EPHA7: variants seen among roughly 807,000 people sequenced by gnomAD.
The protein encoded by EPHA7 is ephrin type-A receptor 7.
In EPHA7, 25 loss-of-function variants were observed where a neutral mutation model predicts 112.6. The observed-to-expected ratio is 0.22, with a 90% CI of 0.16 to 0.31. EPHA7 has a LOEUF of 0.31. Ranked by LOEUF, EPHA7 falls within the 10% of genes least tolerant of loss-of-function variation. The pLI is 1.00. For missense variants in EPHA7, 962 were observed against 1,212.6 expected (o/e 0.79, Z 3.07); for synonymous variants, 437 against 406.5 (o/e 1.07, Z -0.90).
At chr6:93,324,333 T>C (rs533050632) in intron 5 of EPHA7, among the ~76,000 whole-genome samples, 3 of 151,478 alleles carry the variant, frequency 2.0e-5, no homozygotes, top group South Asian at 4.1e-4. Context: ...AAATCTCAGG[T>C]AATTTAAAAA....
chr6:93,328,552 A>G (rs964923192), intron 5 of EPHA7, among the ~76,000 whole-genome samples: 3 of 151,502 alleles, frequency 2.0e-5, no homozygotes, highest in African/African-American at 4.8e-5. Context: ...AAAGTGCATC[A>G]TAAGTCATAC....
At chr6:93,298,239 A>C (rs1772776440) in intron 5 of EPHA7, among the ~76,000 whole-genome samples, 2 of 152,180 alleles carry the variant, frequency 1.3e-5, no homozygotes, top group South Asian at 4.1e-4. Flanking sequence ...TGAATAGATT[A>C]GTGGGAGCCG....
chr6:93,407,242 T>C (rs1329240398), intron 3 of EPHA7, among the ~76,000 whole-genome samples: 1 of 152,020 alleles, frequency 6.6e-6, no homozygotes, highest in African/African-American at 2.4e-5. Flanking sequence ...CCAGATAAAC[T>C]TGCCTTTAAG....
intron 3 of EPHA7, among the ~76,000 whole-genome samples, chr6:93,405,302 T>G (rs747029442): frequency 4.7e-4 from 71 of 151,914 alleles, no homozygotes; most frequent in African/African-American, 1.6e-3. Context: ...TGATACACCT[T>G]AACTTTGGAC....
chr6:93,394,680 G>A (rs2127983941), intron 3 of EPHA7, among the ~76,000 whole-genome samples: 2 of 151,736 alleles, frequency 1.3e-5, no homozygotes, highest in East Asian at 3.9e-4. Context: ...AGACTGATGA[G>A]GTGAACAAAA....
intron 14 of EPHA7, among the ~76,000 whole-genome samples, chr6:93,250,695 G>C (rs1212169809): frequency 6.6e-6 from 1 of 152,050 alleles, no homozygotes; most frequent in Non-Finnish European, 1.5e-5. Context: ...ACTTCTTAGA[G>C]GATTATGTAA....
At chr6:93,252,312 G>T (rs1253601342) in intron 14 of EPHA7, among the ~76,000 whole-genome samples, 1 of 151,898 alleles carries the variant, frequency 6.6e-6, no homozygotes, top group Non-Finnish European at 1.5e-5. Context: ...TAAAATCCCT[G>T]ACAAATTCCT....
chr6:93,269,608 G>C lies in EPHA7; in HGVS notation c.1502C>G (p.Ser501Cys). 6.3e-7 allele frequency: 1 copy of C among 1,599,244 alleles called. No homozygotes were observed. The highest frequency in any genetic ancestry group is 8.5e-7 in the Non-Finnish European group (1 of 1,173,052). ...TGTTCCTGGTTTCAGATTATTAATG[G>C]AGGCTGAAGTAGACTTGGTTTTTAC... ...STVKTKSTSA[S>C]INNLKPGTVY... is the part of the protein sequence containing the mutation. The change falls in exon 7 of 17, where the codon TCC becomes TGC. Residue 501 changes from serine (S) to cysteine (C), a missense_variant. By Grantham distance (112) the Ser-to-Cys change is moderately radical. Around this residue, in one of 3 missense-constraint regions of EPHA7, gnomAD observed 746 missense variants for 889.2 expected, o/e 0.84. Transcript: ENST00000369303.
At chr6:93,396,641 T>C (rs1778187327) in intron 3 of EPHA7, among the ~76,000 whole-genome samples, 2 of 151,882 alleles carry the variant, frequency 1.3e-5, no homozygotes, top group Admixed American at 1.3e-4. Context: ...TAGATTTACA[T>C]GTAACACATT....
At chr6:93,324,745 C>T (rs898397059) in intron 5 of EPHA7, among the ~76,000 whole-genome samples, 1 of 151,386 alleles carries the variant, frequency 6.6e-6, no homozygotes, top group African/African-American at 2.4e-5. Flanking sequence ...CAGAGAAAGA[C>T]AAATATTCAC....
At chr6:93,326,948 A>G (rs1379193201) in intron 5 of EPHA7, among the ~76,000 whole-genome samples, 2 of 151,594 alleles carry the variant, frequency 1.3e-5, no homozygotes, top group Admixed American at 1.3e-4. Flanking sequence ...TTCAACTGGT[A>G]TCCATCTTAC....
intron 14 of EPHA7, among the ~76,000 whole-genome samples, chr6:93,251,512 ATT>A (rs1412374884): frequency 1.4e-4 from 12 of 84,336 alleles, no homozygotes; most frequent in Non-Finnish European, 3.6e-4. Flanking sequence ...TATGTTAACT[ATT>A]AGGATACTAA....
At chr6:93,334,435 TCAAGAGAGTAAA>T in intron 5 of EPHA7, among the ~76,000 whole-genome samples, 1 of 151,936 alleles carries the variant, frequency 6.6e-6, no homozygotes, top group East Asian at 1.9e-4. Flanking sequence ...AAAGAAACTA[TCAAGAGAGTAAA>T]CAGACAACCT....
At chr6:93,255,263 G>A (rs1388565223) in intron 13 of EPHA7, among the ~76,000 whole-genome samples, 4 of 152,052 alleles carry the variant, frequency 2.6e-5, no homozygotes, top group African/African-American at 9.7e-5. Flanking sequence ...CAGGAGCATT[G>A]CTTGAACCCG....
chr6:93,270,468 AT>A (rs1006031568), intron 6 of EPHA7, among the ~76,000 whole-genome samples: 1 of 151,544 alleles, frequency 6.6e-6, no homozygotes, highest in Non-Finnish European at 1.5e-5. Flanking sequence ...CAATATTTAA[AT>A]AAATAAAAAT....
intron 5 of EPHA7, among the ~76,000 whole-genome samples, chr6:93,273,160 C>A (rs1771310451): frequency 6.6e-6 from 1 of 151,856 alleles, no homozygotes; most frequent in African/African-American, 2.4e-5. Flanking sequence ...GCTTAGAGTT[C>A]TTTCATTCTA....
chr6:93,252,274 CTG>C (rs1770251096), intron 14 of EPHA7, among the ~76,000 whole-genome samples: 1 of 151,932 alleles, frequency 6.6e-6, no homozygotes, highest in African/African-American at 2.4e-5. Flanking sequence ...CTTTTAAAAT[CTG>C]AGGCATTTAA....
At chr6:93,388,266 T>A (rs1194553146) in intron 3 of EPHA7, among the ~76,000 whole-genome samples, 1 of 152,184 alleles carries the variant, frequency 6.6e-6, no homozygotes, top group Non-Finnish European at 1.5e-5. Flanking sequence ...AGGATATTCA[T>A]AATAGTCTTA....
At chr6:93,274,067 A>G (rs1771356420) in intron 5 of EPHA7, among the ~76,000 whole-genome samples, 1 of 152,016 alleles carries the variant, frequency 6.6e-6, no homozygotes, top group African/African-American at 2.4e-5. Flanking sequence ...TGAGTTACCC[A>G]GGAGTTGCTG....
Sources: gnomAD v4.1 joint callset for allele counts (sites outside exome capture counted in the v4.1 genomes callset) on GRCh38, gnomAD v4.1.1 for gene constraint, gnomAD v4.1.1 regional missense constraint, MANE v1.5 for transcripts, NCBI Gene and HGNC (gene_info 2026-07-23, HGNC 2026-07-21) for gene names.